GALNT13: variants seen among roughly 807,000 people sequenced by gnomAD.
GALNT13 encodes UDP-GalNAc:polypeptide N-acetylgalactosaminyltransferase 13.
A neutral mutation model predicts 64.2 loss-of-function variants in GALNT13; 28 were observed. The ratio of observed to expected loss-of-function variants is 0.44; its 90% confidence interval spans 0.32 to 0.60. The LOEUF is 0.60. GALNT13 is among the 20% of genes least tolerant of loss of function. The pLI, the probability that GALNT13 is intolerant of heterozygous loss-of-function variation, is 0.05. For synonymous variants in GALNT13, 214 were observed against 224.6 expected, an observed-to-expected ratio of 0.95 and a Z score of 0.42; for missense variants, 577 against 669.8, an observed-to-expected ratio of 0.86 and a Z score of 1.53.
chr2:153,566,896 A>G, the GALNT13 span, among the ~76,000 whole-genome samples: 1 of 152,290 alleles, frequency 6.6e-6, no homozygotes, highest in Non-Finnish European at 1.5e-5. Context: ...TATGGAGTCA[A>G]CCCTTTTGTT....
the GALNT13 span, among the ~76,000 whole-genome samples, chr2:153,775,821 A>G: frequency 4.1e-3 from 627 of 152,270 alleles, 6 homozygotes; most frequent in Non-Finnish European, 6.3e-3. Flanking sequence ...TTGAATGACT[A>G]TGTCTTGTAT....
At chr2:153,938,153 T>G (rs184831879) in intron 2 of GALNT13, among the ~76,000 whole-genome samples, 75 of 152,218 alleles carry the variant, frequency 4.9e-4, no homozygotes, top group Non-Finnish European at 9.3e-4. Flanking sequence ...GTCAAATCCT[T>G]GAATATGTGA....
At chr2:154,380,294 T>C (rs1008129369) in intron 9 of GALNT13, among the ~76,000 whole-genome samples, 1 of 151,992 alleles carries the variant, frequency 6.6e-6, no homozygotes, top group Non-Finnish European at 1.5e-5. Context: ...AAATTTATAC[T>C]CAGAGGGATC....
chr2:153,976,260 A>G (rs566698994), intron 3 of GALNT13, among the ~76,000 whole-genome samples: 79 of 150,764 alleles, frequency 5.2e-4, no homozygotes, highest in African/African-American at 1.9e-3. Flanking sequence ...TCAATAATCA[A>G]TCAATTAATT....
Position 154,362,554 on chromosome 2 carries a change from C to T in GALNT13, c.1157-33437C>T, listed in dbSNP as rs74890131. Among the ~76,000 whole-genome samples, 385 of 151,986 alleles carry T rather than the reference C, an allele frequency of 2.5e-3. 4 individuals are homozygous for T. Among genetic ancestry groups the T allele is most frequent in the African/African-American group, 8.7e-3 (361 of 41,452 alleles). ...TCATCCCAGTCTTTCTAGTCAAAGT[C>T]ATCTTAAACTAGCCAACCCCCACCC... On this transcript the variant is annotated intron_variant, in intron 9 of 12. Transcript: ENST00000392825.
At chr2:153,733,507 T>G in the GALNT13 span, among the ~76,000 whole-genome samples, 1 of 152,282 alleles carries the variant, frequency 6.6e-6, no homozygotes, top group South Asian at 2.1e-4. Flanking sequence ...TAATTGTCTC[T>G]CCCAATACCC....
chr2:153,124,453 A>G, the GALNT13 span, among the ~76,000 whole-genome samples: 6 of 152,220 alleles, frequency 3.9e-5, no homozygotes, highest in African/African-American at 1.4e-4. Flanking sequence ...ATTTACAGAG[A>G]TACTATATCC....
At chr2:153,635,207 G>A in the GALNT13 span, among the ~76,000 whole-genome samples, 1 of 151,828 alleles carries the variant, frequency 6.6e-6, no homozygotes, top group Non-Finnish European at 1.5e-5. Flanking sequence ...TAGGCTTCCT[G>A]CCCAGTTGAA....
At chr2:153,306,331 A>C in the GALNT13 span, among the ~76,000 whole-genome samples, 1 of 152,220 alleles carries the variant, frequency 6.6e-6, no homozygotes, top group Non-Finnish European at 1.5e-5. Context: ...TTTTTCTGTC[A>C]GAATGTATTT....
chr2:154,204,449 A>G (rs1360261875), intron 4 of GALNT13, among the ~76,000 whole-genome samples: 1 of 152,166 alleles, frequency 6.6e-6, no homozygotes, highest in Non-Finnish European at 1.5e-5. Context: ...AACTTGAATT[A>G]TTTATTTTCA....
In GALNT13 at chr2:154,041,268, GT is replaced by G. The variant is rs1162465322; in HGVS notation, c.142+96634del. On this transcript the variant is annotated intron_variant, in intron 3 of 12. Transcript: ENST00000392825. ...ATCTTAAATGAAGACCTCAATTGAAGTTTTTAGACTATATTATTTTGCTTGT... is the reference window on the plus strand; with the variant it reads ...ATCTTAAATGAAGACCTCAATTGAAGTTTTAGACTATATTATTTTGCTTGT... Among the ~76,000 whole-genome samples, 6 of 140,332 alleles carry G rather than the reference GT, an allele frequency of 4.3e-5. 2 individuals carry two copies. The highest frequency in any genetic ancestry group is 8.2e-5 in the Non-Finnish European group (5 of 61,118). 92.1% of individuals were successfully genotyped at this position (140,332 alleles called of 152,430 possible).
the GALNT13 span, among the ~76,000 whole-genome samples, chr2:153,673,780 A>T: frequency 6.6e-6 from 1 of 152,210 alleles, no homozygotes; most frequent in East Asian, 1.9e-4. Context: ...TCTGTTGCAG[A>T]TGACATGATT....
At chr2:153,390,996 G>T in the GALNT13 span, among the ~76,000 whole-genome samples, 15 of 152,034 alleles carry the variant, frequency 9.9e-5, no homozygotes, top group African/African-American at 3.6e-4. Context: ...TTTAAACAGG[G>T]TGGTGAGATT....
At chr2:154,022,632 T>C (rs9678643) in intron 3 of GALNT13, among the ~76,000 whole-genome samples, 116,436 of 151,966 alleles carry the variant, frequency 0.77, 45,002 homozygotes, top group East Asian at 0.96. Flanking sequence ...TTTGTTGATC[T>C]GTTCAAAAAA....
At chr2:153,554,623 T>C in the GALNT13 span, among the ~76,000 whole-genome samples, 1 of 152,054 alleles carries the variant, frequency 6.6e-6, no homozygotes, top group South Asian at 2.1e-4. Flanking sequence ...AGAAAAGGTC[T>C]GTTACCAAAT....
At chr2:153,108,261 A>G in the GALNT13 span, among the ~76,000 whole-genome samples, 1 of 152,214 alleles carries the variant, frequency 6.6e-6, no homozygotes, top group Non-Finnish European at 1.5e-5. Flanking sequence ...TAACAAATAA[A>G]TTTAAAAAGA....
chr2:153,154,793 A>G, the GALNT13 span, among the ~76,000 whole-genome samples: 1 of 151,976 alleles, frequency 6.6e-6, no homozygotes, highest in Non-Finnish European at 1.5e-5. Flanking sequence ...GAGAGAGGGC[A>G]TCCTTGTGCC....
chr2:154,094,062 A>G (rs1439822875), intron 3 of GALNT13, among the ~76,000 whole-genome samples: 4 of 151,920 alleles, frequency 2.6e-5, no homozygotes, highest in Non-Finnish European at 5.9e-5. Context: ...CTGCATAGTT[A>G]TCTCAGAGTT....
intron 3 of GALNT13, among the ~76,000 whole-genome samples, chr2:153,978,242 G>C (rs1694206265): frequency 6.6e-6 from 1 of 152,154 alleles, no homozygotes; most frequent in African/African-American, 2.4e-5. Flanking sequence ...CTTCCTGAAA[G>C]ACTAAGATAG....
Sources: gnomAD v4.1 joint callset for allele counts (sites outside exome capture counted in the v4.1 genomes callset) on GRCh38, gnomAD v4.1.1 for gene constraint, MANE v1.5 for transcripts, NCBI Gene and HGNC (gene_info 2026-07-23, HGNC 2026-07-21) for gene names.